RPS6KA5: variants seen among roughly 807,000 people sequenced by gnomAD.
RPS6KA5 encodes ribosomal protein S6 kinase alpha-5.
A neutral mutation model predicts 85.5 loss-of-function variants in RPS6KA5; 27 were observed. That is an observed-to-expected ratio of 0.32 (90% CI 0.23 to 0.44). RPS6KA5 has a LOEUF of 0.44. Among genes scored for constraint, RPS6KA5 ranks in the 20% least tolerant of loss-of-function variants. RPS6KA5 has a pLI of 1.00. For missense variants in RPS6KA5, 811 were observed against 980.9 expected, an observed-to-expected ratio of 0.83 and a Z score of 2.31; for synonymous variants, 334 against 348.2, an observed-to-expected ratio of 0.96 and a Z score of 0.46.
rs911015572 is a variant in RPS6KA5, at chr14:90,863,167, G to A, written c.*8907C>T. ...ATAATACAAAAATTAGCTGAGGGTG[G>A]TGGTGCATGCCTGTGGTCCCAGCCA... On this transcript the variant is annotated 3_prime_UTR_variant, in exon 17 of 17. Coordinates refer to ENST00000614987, the MANE Select transcript of RPS6KA5 (RefSeq NM_004755.4). The A allele has an allele frequency of 6.6e-6, 1 of 151,576 alleles. No homozygotes were observed. The highest frequency in any genetic ancestry group is 6.6e-5 in the Admixed American group (1 of 15,224). The allele number at this position is 151,576 out of a possible 1,614,324, so 9.4% of individuals were successfully genotyped here.
At chr14:91,032,894 C>G (rs1317404713) in intron 1 of RPS6KA5, among the ~76,000 whole-genome samples, 1 of 152,108 alleles carries the variant, frequency 6.6e-6, no homozygotes, top group Non-Finnish European at 1.5e-5. Flanking sequence ...TCAACCTTGG[C>G]TGGGCGAGGT....
chr14:90,885,607 T>C, intron 14 of RPS6KA5, among the ~76,000 whole-genome samples: 1 of 114,810 alleles, frequency 8.7e-6, no homozygotes, highest in South Asian at 3.0e-4. Context: ...ACGGGCGAGG[T>C]GGCGGGCGCC....
intron 2 of RPS6KA5, among the ~76,000 whole-genome samples, chr14:90,988,699 G>T (rs928099741): frequency 5.9e-5 from 9 of 152,164 alleles, no homozygotes; most frequent in African/African-American, 2.2e-4. Context: ...TGTAATCCTA[G>T]CTACTCAGGA....
intron 6 of RPS6KA5, among the ~76,000 whole-genome samples, chr14:90,922,346 C>A (rs1184808056): frequency 1.3e-5 from 2 of 152,190 alleles, no homozygotes; most frequent in African/African-American, 4.8e-5. Context: ...CCATTCATCA[C>A]GACTCAGACA....
chr14:90,893,717 T>C (rs1241247363), intron 13 of RPS6KA5, among the ~76,000 whole-genome samples: 1 of 152,226 alleles, frequency 6.6e-6, no homozygotes, highest in African/African-American at 2.4e-5. Flanking sequence ...TATCTTTTTA[T>C]ACAGTATTGA....
chr14:91,053,025 A>AAGGAAT (rs1383847713), intron 1 of RPS6KA5, among the ~76,000 whole-genome samples: 2 of 152,168 alleles, frequency 1.3e-5, no homozygotes, highest in Non-Finnish European at 2.9e-5. Context: ...TACCATGACA[A>AAGGAAT]ACAAGATTTA....
intron 12 of RPS6KA5, among the ~76,000 whole-genome samples, chr14:90,896,154 A>C (rs1195822178): frequency 1.3e-5 from 2 of 152,204 alleles, no homozygotes; most frequent in African/African-American, 4.8e-5. Flanking sequence ...AGCCTACTAG[A>C]CATCAAGCTA....
intron 14 of RPS6KA5, among the ~76,000 whole-genome samples, chr14:90,887,892 G>A (rs1211451709): frequency 1.5e-5 from 2 of 136,462 alleles, no homozygotes; most frequent in Admixed American, 1.6e-4. Flanking sequence ...AGCCTGCAGT[G>A]AGCTATGATG....
chr14:91,047,809 C>T (rs927321889), intron 1 of RPS6KA5, among the ~76,000 whole-genome samples: 2 of 152,114 alleles, frequency 1.3e-5, no homozygotes, highest in African/African-American at 4.8e-5. Context: ...AAATCTGTTC[C>T]CCTGCTTCTA....
At chr14:91,011,216 G>A (rs1251399088) in intron 1 of RPS6KA5, among the ~76,000 whole-genome samples, 8 of 152,162 alleles carry the variant, frequency 5.3e-5, no homozygotes, top group African/African-American at 1.9e-4. Context: ...GGCCAGGCAC[G>A]GTGGCTCATG....
chr14:90,875,065 A>G, intron 15 of RPS6KA5, 136 bp downstream of exon 15: 1 of 815,264 alleles, frequency 1.2e-6, no homozygotes, highest in Non-Finnish European at 1.9e-6. Context: ...ACAAGGCTGA[A>G]GAGAGTAGCC....
chr14:90,936,118 T>C (rs891729735), intron 5 of RPS6KA5, among the ~76,000 whole-genome samples: 2 of 152,238 alleles, frequency 1.3e-5, no homozygotes, highest in Non-Finnish European at 2.9e-5. Flanking sequence ...AGATGTTTTG[T>C]TATTTTTCAG....
At chr14:90,938,289 C>T (rs140123384) in intron 5 of RPS6KA5, among the ~76,000 whole-genome samples, 13 of 152,326 alleles carry the variant, frequency 8.5e-5, no homozygotes, top group East Asian at 3.9e-4. Context: ...TGGGCAGCTC[C>T]GCCCCTGTGG....
chr14:91,027,773 C>T (rs1399825528), intron 1 of RPS6KA5, among the ~76,000 whole-genome samples: 2 of 152,096 alleles, frequency 1.3e-5, no homozygotes, highest in Non-Finnish European at 2.9e-5. Context: ...GGAAATAAAG[C>T]TTTTAAAGGA....
intron 1 of RPS6KA5, among the ~76,000 whole-genome samples, chr14:91,011,208 C>G (rs1233191474): frequency 6.6e-6 from 1 of 152,144 alleles, no homozygotes; most frequent in Non-Finnish European, 1.5e-5. Flanking sequence ...AAAAAACAGG[C>G]CAGGCACGGT....
chr14:91,029,654 G>A (rs2042110484), intron 1 of RPS6KA5, among the ~76,000 whole-genome samples: 1 of 152,088 alleles, frequency 6.6e-6, no homozygotes, highest in Non-Finnish European at 1.5e-5. Flanking sequence ...AATGGTACTG[G>A]CCTTATAGGA....
At chr14:90,890,110 T>C (rs2034467382) in intron 14 of RPS6KA5, among the ~76,000 whole-genome samples, 1 of 152,244 alleles carries the variant, frequency 6.6e-6, no homozygotes, top group Non-Finnish European at 1.5e-5. Flanking sequence ...ATTCTGTAAT[T>C]ACATTTTAGT....
intron 14 of RPS6KA5, 109 bp from the exon 15 acceptor site, chr14:90,875,469 G>A (rs2033398362): frequency 1.0e-6 from 1 of 954,124 alleles, no homozygotes; most frequent in African/African-American, 1.7e-5. Flanking sequence ...GCTACAACTA[G>A]CATGATTGAG....
At chr14:90,991,299 C>T (rs2040296116) in intron 2 of RPS6KA5, among the ~76,000 whole-genome samples, 1 of 152,100 alleles carries the variant, frequency 6.6e-6, no homozygotes, top group African/African-American at 2.4e-5. Context: ...TGAAAGAATC[C>T]ATGCATAAGG....
Sources: allele counts gnomAD v4.1 joint callset (sites outside exome capture counted in the v4.1 genomes callset), GRCh38; gene constraint gnomAD v4.1.1; transcripts MANE v1.5; gene names NCBI Gene and HGNC (gene_info 2026-07-23, HGNC 2026-07-21).